The following SOCS2 variants were observed in gnomAD, a reference collection of about 807,000 sequenced individuals.
SOCS2 encodes suppressor of cytokine signaling 2, also known as CIS-2.
SOCS2 carries 10 observed loss-of-function variants against 18.6 expected under a neutral mutation model. The observed-to-expected ratio is 0.54, with a 90% CI of 0.33 to 0.91. The LOEUF is 0.91. Among genes scored for constraint, SOCS2 ranks in the 40% least tolerant of loss-of-function variants. The pLI is 0.02. For missense variants in SOCS2, 231 were observed against 247.2 expected (o/e 0.93, Z 0.44); for synonymous variants, 104 against 104.0 (o/e 1.00, Z 0.00).
the SOCS2 span, among the ~76,000 whole-genome samples, chr12:93,598,060 G>A: frequency 6.6e-6 from 1 of 152,168 alleles, no homozygotes; most frequent in Non-Finnish European, 1.5e-5. Context: ...TGAGATAATT[G>A]CAGGCATCTG....
At chr12:93,592,087 C>A in the SOCS2 span, among the ~76,000 whole-genome samples, 1 of 152,230 alleles carries the variant, frequency 6.6e-6, no homozygotes, top group Non-Finnish European at 1.5e-5. Flanking sequence ...GTCCAACTCC[C>A]GTCCCACTCC....
chr12:93,584,179 C>T (rs1954569399), downstream of SOCS2, among the ~76,000 whole-genome samples: 1 of 152,160 alleles, frequency 6.6e-6, no homozygotes, highest in South Asian at 2.1e-4. Context: ...GATTGGTTAA[C>T]ATCAGGTTAC....
chr12:93,578,682 GCA>G (rs10594657), downstream of SOCS2, among the ~76,000 whole-genome samples: 17,793 of 146,146 alleles, frequency 0.12, 1,071 homozygotes, highest in East Asian at 0.19. Flanking sequence ...TTGCATGCTC[GCA>G]CACACACACA....
chr12:93,594,382 A>G, the SOCS2 span, among the ~76,000 whole-genome samples: 2 of 152,274 alleles, frequency 1.3e-5, no homozygotes, highest in South Asian at 2.1e-4. Context: ...ACAGCTCTTT[A>G]CATATTCTGT....
chr12:93,625,233 T>C, the SOCS2 span, among the ~76,000 whole-genome samples: 2 of 150,110 alleles, frequency 1.3e-5, no homozygotes, highest in African/African-American at 5.0e-5. Context: ...TTATTTGTTG[T>C]TGATGTGTCA....
the SOCS2 span, among the ~76,000 whole-genome samples, chr12:93,615,808 C>T: frequency 6.6e-6 from 1 of 152,188 alleles, no homozygotes; most frequent in Non-Finnish European, 1.5e-5. Context: ...GTTGACCAGG[C>T]TGGTCTCAAA....
At chr12:93,593,891 A>G in the SOCS2 span, among the ~76,000 whole-genome samples, 2 of 152,246 alleles carry the variant, frequency 1.3e-5, no homozygotes, top group South Asian at 2.1e-4. Context: ...TACTGTTACC[A>G]TACAGAGGCA....
downstream of SOCS2, among the ~76,000 whole-genome samples, chr12:93,586,197 C>T (rs1954584234): frequency 6.6e-6 from 1 of 152,224 alleles, no homozygotes; most frequent in Admixed American, 6.5e-5. Context: ...CTGATCTTCA[C>T]AAACATCTCT....
the SOCS2 span, among the ~76,000 whole-genome samples, chr12:93,596,255 G>A: frequency 6.6e-6 from 1 of 152,158 alleles, no homozygotes; most frequent in Non-Finnish European, 1.5e-5. Context: ...ATAACACCAT[G>A]CTTGGCATGA....
At chr12:93,582,850 C>T (rs1168320148) in intron 1 of SOCS2, among the ~76,000 whole-genome samples, 5 of 152,062 alleles carry the variant, frequency 3.3e-5, no homozygotes, top group Non-Finnish European at 7.4e-5. Context: ...TGTGATAGTA[C>T]ATTGGGGTGA....
At chr12:93,601,561 A>G in the SOCS2 span, among the ~76,000 whole-genome samples, 143 of 152,294 alleles carry the variant, frequency 9.4e-4, no homozygotes, top group Non-Finnish European at 1.8e-3. Flanking sequence ...TGCCCGCCTC[A>G]GCCTCCCAAA....
chr12:93,624,721 C>T, the SOCS2 span, among the ~76,000 whole-genome samples: 2 of 152,204 alleles, frequency 1.3e-5, no homozygotes, highest in Admixed American at 1.3e-4. Flanking sequence ...ATGAATGCTG[C>T]AGGCATCAGA....
chr12:93,604,670 G>A, the SOCS2 span, among the ~76,000 whole-genome samples: 5 of 151,882 alleles, frequency 3.3e-5, no homozygotes, highest in African/African-American at 1.2e-4. Context: ...ATTTATTTAT[G>A]TTTTTTTGAG....
chr12:93,578,064 C>T (rs1240917175), downstream of SOCS2, among the ~76,000 whole-genome samples: 1 of 152,166 alleles, frequency 6.6e-6, no homozygotes, highest in Non-Finnish European at 1.5e-5. Flanking sequence ...AGAGATGAGG[C>T]AGTGCAGTTT....
the SOCS2 span, among the ~76,000 whole-genome samples, chr12:93,603,688 A>G: frequency 2.0e-5 from 3 of 152,304 alleles, no homozygotes; most frequent in Admixed American, 2.0e-4. Context: ...TTTACAGAGA[A>G]ACCCGGTATT....
downstream of SOCS2, among the ~76,000 whole-genome samples, chr12:93,577,220 C>G (rs1954479313): frequency 6.6e-6 from 1 of 152,136 alleles, no homozygotes; most frequent in Admixed American, 6.5e-5. Context: ...TATGAGAAGG[C>G]TGGAGGACAG....
the SOCS2 span, among the ~76,000 whole-genome samples, chr12:93,611,290 T>TGC: frequency 6.6e-6 from 1 of 152,112 alleles, no homozygotes; most frequent in Non-Finnish European, 1.5e-5. Flanking sequence ...CAGGCTGGAG[T>TGC]GCAGTGGTGT....
chr12:93,614,442 C>CCTTT, the SOCS2 span, among the ~76,000 whole-genome samples: 84 of 62,432 alleles, frequency 1.3e-3, 7 homozygotes, highest in South Asian at 9.6e-3. Context: ...TTCCTTCCTT[C>CCTTT]CTTCCTTCCT....
chr12:93,604,766 C>A, the SOCS2 span, among the ~76,000 whole-genome samples: 1 of 151,996 alleles, frequency 6.6e-6, no homozygotes, highest in Non-Finnish European at 1.5e-5. Context: ...CTCTAGTGAT[C>A]CTCCCTCCTC....
Sources: allele counts gnomAD v4.1 joint callset (sites outside exome capture counted in the v4.1 genomes callset), GRCh38; gene constraint gnomAD v4.1.1; transcripts MANE v1.5; gene names NCBI Gene and HGNC (gene_info 2026-07-23, HGNC 2026-07-21).